NSMCE2: variants seen among roughly 807,000 people sequenced by gnomAD.
The protein encoded by NSMCE2 is E3 SUMO-protein ligase NSE2.
A neutral mutation model predicts 23.8 loss-of-function variants in NSMCE2; 24 were observed. The observed-to-expected ratio is 1.01, with a 90% CI of 0.73 to 1.42. NSMCE2 has a LOEUF of 1.42. Ranked by LOEUF, NSMCE2 falls within the 40% of genes most tolerant of loss-of-function variation. NSMCE2 has a pLI of 0.00. For missense variants in NSMCE2, 284 were observed against 296.5 expected (o/e 0.96, Z 0.31); for synonymous variants, 92 against 94.1 (o/e 0.98, Z 0.13).
intron 5 of NSMCE2, among the ~76,000 whole-genome samples, chr8:125,212,577 C>T (rs1824393794): frequency 6.6e-6 from 1 of 152,020 alleles, no homozygotes; most frequent in Non-Finnish European, 1.5e-5. Flanking sequence ...AGTACCAAAC[C>T]GTTGGAAGTC....
intron 4 of NSMCE2, among the ~76,000 whole-genome samples, chr8:125,158,154 A>G (rs1315136173): frequency 6.6e-6 from 1 of 152,168 alleles, no homozygotes; most frequent in Non-Finnish European, 1.5e-5. Context: ...TAGGTCCAGC[A>G]CTTTGTGGCA....
At chr8:125,156,555 G>A (rs117887824) in intron 4 of NSMCE2, among the ~76,000 whole-genome samples, 2 of 152,110 alleles carry the variant, frequency 1.3e-5, no homozygotes, top group Admixed American at 1.3e-4. Context: ...TAGGTGCTAG[G>A]TTGGTCCATT....
intron 5 of NSMCE2, 144 bp downstream of exon 5, chr8:125,182,400 A>T (rs756857551): frequency 2.8e-6 from 2 of 723,428 alleles, no homozygotes; most frequent in Non-Finnish European, 4.8e-6. Context: ...TGTTGTTGCA[A>T]TTCTGTATTT....
chr8:125,315,289 G>A (rs1346314211), intron 5 of NSMCE2, among the ~76,000 whole-genome samples: 3 of 152,138 alleles, frequency 2.0e-5, no homozygotes, highest in Non-Finnish European at 4.4e-5. Flanking sequence ...GCCTTAGGCT[G>A]TTCCTTTACC....
chr8:125,151,318 C>G (rs757112817), intron 4 of NSMCE2, 41 bp downstream of exon 4: 1 of 1,010,120 alleles, frequency 9.9e-7, no homozygotes, highest in Middle Eastern at 2.1e-4. Flanking sequence ...TTGGTTACAA[C>G]TCACTGACCG....
At position 125,357,278 on chromosome 8, in the gene NSMCE2, G is replaced by A; in HGVS notation, c.478G>A (p.Val160Met). The A allele has an allele frequency of 6.2e-7, 1 of 1,613,738 alleles. No homozygotes were observed. ...AGAAGGAGTGGATGAAGATATAATTGTGACCCAAAGTCAGACCAACTTCAC... is the reference window on the plus strand; with the variant it reads ...AGAAGGAGTGGATGAAGATATAATTATGACCCAAAGTCAGACCAACTTCAC... ...GTEGVDEDIIVTQSQTNFTCP... is the reference protein window; with the variant it reads ...GTEGVDEDIIMTQSQTNFTCP... Residue 160 changes from valine to methionine, a missense_variant, in exon 6 of 8, where the codon GTG becomes ATG. Physicochemically the swap from Val to Met is conservative, Grantham distance 21. Coordinates refer to ENST00000287437, the MANE Select transcript of NSMCE2 (RefSeq NM_173685.4).
intron 5 of NSMCE2, among the ~76,000 whole-genome samples, chr8:125,257,802 G>T (rs1826509972): frequency 6.6e-6 from 1 of 151,986 alleles, no homozygotes; most frequent in Non-Finnish European, 1.5e-5. Context: ...CCAAAGTCCT[G>T]GGATTACAGG....
In NSMCE2 at chr8:125,139,651, G is replaced by A. The variant is rs376406130; in HGVS notation, c.158-11520G>A. 2.7e-4 allele frequency among the ~76,000 whole-genome samples: 41 copies of A among 152,232 alleles called. 1 individual carries two copies. In the South Asian group the frequency reaches 8.1e-3, roughly 30 times the overall value. ...ATTCACTATCACAAGAACAGCACAG[G>A]AAAGACCTGCCCCCAGGATTCAATT... On this transcript the variant is annotated intron_variant, in intron 3 of 7. Coordinates refer to ENST00000287437, the MANE Select transcript of NSMCE2 (RefSeq NM_173685.4).
intron 5 of NSMCE2, among the ~76,000 whole-genome samples, chr8:125,225,040 G>A (rs932795617): frequency 6.6e-6 from 1 of 152,178 alleles, no homozygotes; most frequent in South Asian, 2.1e-4. Context: ...GCTAAAGTCT[G>A]TGTTTCTAAA....
In NSMCE2 at chr8:125,134,194, C is replaced by T. The variant is rs552343382; in HGVS notation, c.158-16977C>T. 3.3e-5 allele frequency among the ~76,000 whole-genome samples: 5 copies of T among 152,258 alleles called. No individual in the cohort carries two copies. In the East Asian group the frequency reaches 7.7e-4, roughly 23 times the overall value. ...ATCTGTATTGATGAATGTTTTCATA[C>T]TTAACAGAAAAACTGTAACGAGGAC... On this transcript the variant is annotated intron_variant, in intron 3 of 7. Coordinates refer to ENST00000287437, the MANE Select transcript of NSMCE2 (RefSeq NM_173685.4).
chr8:125,260,193 T>G (rs915622058), intron 5 of NSMCE2, among the ~76,000 whole-genome samples: 2 of 152,136 alleles, frequency 1.3e-5, no homozygotes, highest in African/African-American at 4.8e-5. Flanking sequence ...AGGACATATC[T>G]CTGATGAGTC....
intron 5 of NSMCE2, among the ~76,000 whole-genome samples, chr8:125,336,140 C>G (rs562885186): frequency 6.6e-6 from 1 of 152,092 alleles, no homozygotes; most frequent in South Asian, 2.1e-4. Flanking sequence ...ATAGGAAGGA[C>G]AGAGCATTGA....
chr8:125,140,714 A>G (rs901221906), intron 3 of NSMCE2, among the ~76,000 whole-genome samples: 1 of 152,136 alleles, frequency 6.6e-6, no homozygotes, highest in African/African-American at 2.4e-5. Flanking sequence ...AATTCATGCA[A>G]GAGCTTTGGT....
intron 5 of NSMCE2, among the ~76,000 whole-genome samples, chr8:125,263,783 T>C (rs1399152624): frequency 6.6e-6 from 1 of 151,452 alleles, no homozygotes; most frequent in African/African-American, 2.4e-5. Flanking sequence ...AGAGGCCTGA[T>C]ATGACCTAGA....
intron 5 of NSMCE2, among the ~76,000 whole-genome samples, chr8:125,220,578 T>C (rs1402203650): frequency 6.6e-6 from 1 of 152,092 alleles, no homozygotes; most frequent in Admixed American, 6.6e-5. Flanking sequence ...TGTTCTCTGC[T>C]TGACTTCATT....
At chr8:125,250,365 T>A (rs1183988208) in intron 5 of NSMCE2, among the ~76,000 whole-genome samples, 2 of 152,240 alleles carry the variant, frequency 1.3e-5, no homozygotes, top group African/African-American at 4.8e-5. Context: ...CCACCCAGAT[T>A]TTTCTAGCCC....
rs148578529 is a variant in NSMCE2 at position 125,245,889 on chromosome 8, G to A, written c.418+63633G>A. The stretch of plus-strand genomic sequence containing the variant: ...AAAAATACAACAACTAACTAGGTGT[G>A]GTGAGGCACCTGTAATCCCAGCTAC... On this transcript the variant is annotated intron_variant, in intron 5 of 7. Coordinates refer to ENST00000287437, the MANE Select transcript of NSMCE2 (RefSeq NM_173685.4). Among the ~76,000 whole-genome samples the A allele has an allele frequency of 3.3e-5, 5 of 152,050 alleles. No homozygotes were observed. In the East Asian group the frequency reaches 9.8e-4, roughly 30 times the overall value.
In NSMCE2 at chr8:125,182,137, T is replaced by G; in HGVS notation, c.299T>G (p.Leu100Ter). 6.2e-7 allele frequency: 1 copy of G among 1,601,452 alleles called. No individual in the cohort carries two copies. The highest frequency in any genetic ancestry group is 8.5e-7 in the Non-Finnish European group (1 of 1,175,586). ...GAACGTCCAGAAAAAATACCAGATT[T>G]AAAATTATTGGTAGAGAAGAAATTT... is the stretch of plus-strand genomic sequence containing the variant. Reference protein sequence around the residue: ...KEERPEKIPDLKLLVEKKFLA... With the variant: ...KEERPEKIPD Residue 100 changes from leucine (L) to a stop codon, truncating the protein, a stop_gained, in exon 5 of 8, where the codon TTA becomes TGA. Coordinates refer to ENST00000287437, the MANE Select transcript of NSMCE2 (RefSeq NM_173685.4). LOFTEE classifies it high-confidence loss of function.
At chr8:125,284,528 G>A (rs1827820747) in intron 5 of NSMCE2, among the ~76,000 whole-genome samples, 1 of 152,178 alleles carries the variant, frequency 6.6e-6, no homozygotes, top group South Asian at 2.1e-4. Context: ...AAGATACTTA[G>A]ACTCAGCTGT....
Sources: gnomAD v4.1 joint callset for allele counts (sites outside exome capture counted in the v4.1 genomes callset) on GRCh38, gnomAD v4.1.1 for gene constraint, MANE v1.5 for transcripts, NCBI Gene and HGNC (gene_info 2026-07-23, HGNC 2026-07-21) for gene names.